Variants in AMZ2 observed in about 807,000 individuals in gnomAD.
The protein encoded by AMZ2 is archaemetzincin-2.
Under a neutral mutation model 36.7 loss-of-function variants are expected in AMZ2, and 26 were observed. The observed-to-expected ratio is 0.71, with a 90% CI of 0.52 to 0.98. AMZ2 has a LOEUF of 0.98. AMZ2 is among the 50% of genes least tolerant of loss of function. AMZ2 has a pLI of 0.00. For missense variants in AMZ2, 394 were observed against 430.5 expected (o/e 0.92, Z 0.75); for synonymous variants, 144 against 149.1 (o/e 0.97, Z 0.25).
Position 68,225,145 on chromosome 17 carries a change from T to G in AMZ2, c.-67+18907T>G, listed in dbSNP as rs1277795679. 3.7e-4 allele frequency among the ~76,000 whole-genome samples: 56 copies of G among 152,038 alleles called. 1 individual carries two copies. Among genetic ancestry groups the G allele is most frequent in the South Asian group, 1.2e-3 (6 of 4,824 alleles). The stretch of plus-strand genomic sequence containing the variant: ...AGGTGGAGGTTGCAGTGAGCCAGGA[T>G]GGAACCACTGCACTCCAGCTTGGGT... On this transcript the variant is annotated intron_variant, in intron 1 of 7. Coordinates refer to the AMZ2 transcript ENST00000674770.
intron 1 of AMZ2, among the ~76,000 whole-genome samples, chr17:68,211,557 A>G (rs1275844139): frequency 3.3e-5 from 5 of 151,144 alleles, no homozygotes; most frequent in African/African-American, 1.2e-4. Flanking sequence ...ATGGTTTTAC[A>G]ACCTTGTGAA....
chr17:68,206,310 G>T, intron 1 of AMZ2: 1 of 1,237,674 alleles, frequency 8.1e-7, no homozygotes. Flanking sequence ...TCACTCGTGT[G>T]CTGTGCATCC....
intron 1 of AMZ2, among the ~76,000 whole-genome samples, chr17:68,224,033 G>A (rs1272811303): frequency 1.3e-5 from 2 of 150,706 alleles, no homozygotes; most frequent in African/African-American, 4.9e-5. Context: ...GGGACTACAG[G>A]CGCCCGCCAC....
chr17:68,221,953 G>A (rs374095195), intron 1 of AMZ2, among the ~76,000 whole-genome samples: 14 of 152,344 alleles, frequency 9.2e-5, no homozygotes, highest in Middle Eastern at 3.4e-3. Context: ...TAATCCCAGT[G>A]AGGGTGACAA....
chr17:68,250,535 C>T (rs1242728177), intron 2 of AMZ2, 65 bp downstream of exon 2: 2 of 1,564,224 alleles, frequency 1.3e-6, no homozygotes, highest in Non-Finnish European at 1.7e-6. Context: ...AGGAATAGTC[C>T]AGGCTATGGG....
chr17:68,223,542 C>CTT (rs67592687), intron 1 of AMZ2, among the ~76,000 whole-genome samples: 22 of 151,930 alleles, frequency 1.4e-4, no homozygotes, highest in African/African-American at 5.3e-4. Flanking sequence ...ATTTTCTTTT[C>CTT]TTTTTTTCTT....
rs116767560 is a variant in AMZ2, at chr17:68,228,861, G to A, written c.-66-19779G>A. Among the ~76,000 whole-genome samples the A allele has an allele frequency of 6.5e-3, 986 of 152,336 alleles. 9 individuals are homozygous for A. Among genetic ancestry groups the A allele is most frequent in the African/African-American group, 0.023 (943 of 41,580 alleles). On this transcript the variant is annotated intron_variant, in intron 1 of 7. Transcript: ENST00000674770. ...GCCTCAAGCAGCCTACATCCACAGC[G>A]GGATGCCTGCACTGCTGCTTCCGCG...
chr17:68,213,976 C>T (rs1379440836), intron 1 of AMZ2, among the ~76,000 whole-genome samples: 1 of 151,346 alleles, frequency 6.6e-6, no homozygotes, highest in Non-Finnish European at 1.5e-5. Flanking sequence ...TTAGTAAAAT[C>T]CTGTTTCTGT....
chr17:68,251,259 A>C (rs2074447560), intron 4 of AMZ2, 81 bp downstream of exon 4: 3 of 1,466,940 alleles, frequency 2.0e-6, no homozygotes, highest in Non-Finnish European at 2.8e-6. Context: ...AAAAAATTCC[A>C]ACCAAGAATC....
upstream of AMZ2, among the ~76,000 whole-genome samples, chr17:68,243,161 A>G (rs1198685790): frequency 1.3e-5 from 2 of 151,236 alleles, no homozygotes; most frequent in African/African-American, 4.9e-5. Flanking sequence ...TTTTGAGACA[A>G]TCTTGCTCTG....
At chr17:68,247,550 G>T (rs1373288430), upstream of AMZ2, 6 of 879,084 alleles carry the variant, frequency 6.8e-6, no homozygotes, top group Non-Finnish European at 8.2e-6. Flanking sequence ...GCGCTTCTGG[G>T]TTCCAGCCCC....
Position 68,256,802 on chromosome 17 carries a change from A to G in AMZ2, c.928-12A>G. On this transcript the variant is annotated splice_polypyrimidine_tract_variant and intron_variant, in intron 6 of 6. Coordinates refer to ENST00000359904, the MANE Select transcript of AMZ2 (RefSeq NM_016627.5). ...TGGTTTGTTGAAGTGCGCATCTTTC[A>G]TGTTTTTCCAGGCACTGGTGAGGTG... 6.2e-7 allele frequency: 1 copy of G among 1,608,892 alleles called. No individual in the cohort carries two copies. Among genetic ancestry groups the G allele is most frequent in the Non-Finnish European group, 8.5e-7 (1 of 1,177,702 alleles).
intron 1 of AMZ2, among the ~76,000 whole-genome samples, chr17:68,228,011 C>T (rs1312836581): frequency 2.0e-5 from 3 of 152,042 alleles, no homozygotes; most frequent in Admixed American, 2.0e-4. Flanking sequence ...CCTGTCACAC[C>T]CAGCTGCGGG....
In AMZ2 at chr17:68,231,583, CAT is replaced by C. The variant is rs1885741796; in HGVS notation, c.-66-17056_-66-17055del. Among the ~76,000 whole-genome samples, 2 of 103,862 alleles carry C rather than the reference CAT, an allele frequency of 1.9e-5. 1 individual carries two copies. Among genetic ancestry groups the C allele is most frequent in the African/African-American group, 9.8e-5 (2 of 20,336 alleles). The allele number at this position is 103,862 out of a possible 152,430, so 68.1% of individuals were successfully genotyped here. On this transcript the variant is annotated intron_variant, in intron 1 of 7. Coordinates refer to the AMZ2 transcript ENST00000674770. ...CAAGTCTTCTCCCATTATATGCCCTCATGTGTGTTAGGCAGTGCATGGTGGGA... is the reference window on the plus strand; with the variant it reads ...CAAGTCTTCTCCCATTATATGCCCTCGTGTGTTAGGCAGTGCATGGTGGGA...
chr17:68,221,978 G>A (rs1234740331), intron 1 of AMZ2, among the ~76,000 whole-genome samples: 1 of 152,250 alleles, frequency 6.6e-6, no homozygotes, highest in African/African-American at 2.4e-5. Context: ...CCAGAGGCTA[G>A]AAGTAAAGTT....
In AMZ2 at chr17:68,235,823, C is replaced by T. The variant is rs2073773280; in HGVS notation, c.-66-12817C>T. Among the ~76,000 whole-genome samples the T allele has an allele frequency of 6.6e-6, 1 of 151,112 alleles. No homozygotes were observed. Among genetic ancestry groups the T allele is most frequent in the Non-Finnish European group, 1.5e-5 (1 of 67,642 alleles). On this transcript the variant is annotated intron_variant, in intron 1 of 7. Transcript: ENST00000674770. The surrounding 1 kb of genome is among the most constrained non-coding windows in gnomAD (Gnocchi z 4.2). ...GTCCCTACCCCTCCAAGACTTAGCC[C>T]AAAATCTTACTTTTTTTTTTTTTCG...
chr17:68,243,341 G>A (rs542282255), upstream of AMZ2, among the ~76,000 whole-genome samples: 6 of 152,212 alleles, frequency 3.9e-5, no homozygotes, highest in Admixed American at 3.3e-4. Flanking sequence ...CACCATGTTG[G>A]CCAGGCTGGT....
At chr17:68,239,000 T>C (rs1458978286) in intron 1 of AMZ2, among the ~76,000 whole-genome samples, 2 of 152,260 alleles carry the variant, frequency 1.3e-5, no homozygotes, top group East Asian at 3.9e-4. Context: ...AGTTGGTTGT[T>C]TGGACCAAAG....
At chr17:68,216,923 C>T (rs563188510) in intron 1 of AMZ2, among the ~76,000 whole-genome samples, 5 of 151,944 alleles carry the variant, frequency 3.3e-5, no homozygotes, top group African/African-American at 1.2e-4. Context: ...GTTCCAGCTA[C>T]TCGGGAGGCT....
Sources: allele counts gnomAD v4.1 joint callset (sites outside exome capture counted in the v4.1 genomes callset), GRCh38; gene constraint gnomAD v4.1.1; non-coding constraint Gnocchi (gnomAD v3.1); transcripts MANE v1.5; gene names NCBI Gene and HGNC (gene_info 2026-07-23, HGNC 2026-07-21).